Variants in SLC4A11 observed in about 807,000 individuals in gnomAD.
SLC4A11 encodes the protein bicarbonate transporter related protein 1.
Under a neutral mutation model 95.0 loss-of-function variants are expected in SLC4A11, and 74 were observed. The ratio of observed to expected loss-of-function variants is 0.78; its 90% confidence interval spans 0.65 to 0.95. The LOEUF (loss-of-function observed/expected upper bound fraction) is 0.95, where lower values mean the gene tolerates loss of function less well. Ranked by LOEUF, SLC4A11 falls within the 40% of genes least tolerant of loss-of-function variation. The pLI is 0.00. For synonymous variants in SLC4A11, 548 were observed against 519.0 expected (o/e 1.06, Z -0.76); for missense variants, 1,081 against 1,192.4 (o/e 0.91, Z 1.38).
At chr20:3,238,344 C>A in intron 1 of SLC4A11, 1 of 985,420 alleles carries the variant, frequency 1.0e-6, no homozygotes, top group South Asian at 4.7e-5. Flanking sequence ...GAGGAAAGCG[C>A]CTCCAGACTC....
chr20:3,239,462 G>T, upstream of SLC4A11: 1 of 1,032,764 alleles, frequency 9.7e-7, no homozygotes, highest in Non-Finnish European at 1.2e-6. Flanking sequence ...AGCAGACCCA[G>T]CGTCGCGAGT....
chr20:3,237,726 A>G (rs1423539089), intron 1 of SLC4A11, 138 bp from the exon 2 acceptor site: 1 of 1,613,784 alleles, frequency 6.2e-7, no homozygotes, highest in African/African-American at 1.3e-5. Flanking sequence ...CTAGGGAGAA[A>G]GGGAAGCAGG....
chr20:3,227,931 AG>A, intron 19 of SLC4A11, 75 bp from the exon 20 acceptor site: 1 of 800,560 alleles, frequency 1.2e-6, no homozygotes, highest in Non-Finnish European at 1.6e-6. Flanking sequence ...AGCCCACCCC[AG>A]CCCACCCACA....
At chr20:3,228,451 G>A (rs1422783303) in intron 18 of SLC4A11, 23 bp from the exon 19 acceptor site, 1 of 1,612,982 alleles carries the variant, frequency 6.2e-7, no homozygotes, top group African/African-American at 1.3e-5. Context: ...GGGACCGGGT[G>A]TGGGCAGGCA....
In SLC4A11 at chr20:3,231,006, G is replaced by A; in HGVS notation, c.1095C>T (p.Phe365=). The A allele has an allele frequency of 1.2e-6, 2 of 1,614,048 alleles. No individual in the cohort carries two copies. The highest frequency in any genetic ancestry group is 1.7e-6 in the Non-Finnish European group (2 of 1,180,020). Residue 365 remains phenylalanine, a synonymous_variant, in exon 10 of 20, where the codon TTC becomes TTT. Transcript: ENST00000642402. This position sits in a 1 kb window ranked among gnomAD's most constrained non-coding sequence, Gnocchi z 5.2. ...TGGGCAGGAGGCAGGCGAAGTAGAG[G>A]AACAGGGTGGTGGTGATGTATTTGC... ...AVGKYITTTL[F]LYFACLLPTI... is the part of the protein sequence containing the mutation.
intron 1 of SLC4A11, 28 bp downstream of exon 1, chr20:3,239,067 C>T: frequency 6.8e-7 from 1 of 1,471,066 alleles, no homozygotes; most frequent in Non-Finnish European, 9.0e-7. Context: ...GCGGCCTTCC[C>T]GCCGCGCCCC....
chr20:3,230,018 G>A (rs117166977), intron 13 of SLC4A11, among the ~76,000 whole-genome samples, 169 bp downstream of exon 13: 2,728 of 152,270 alleles, frequency 0.018, 30 homozygotes, highest in Non-Finnish European at 0.026. Flanking sequence ...ACCCTCCAGC[G>A]TGGAGGGCTC....
chr20:3,234,954 G>T lies in SLC4A11; in HGVS notation c.89-60C>A. 2 of 1,607,766 alleles carry T rather than the reference G, an allele frequency of 1.2e-6. No homozygotes were observed. Among genetic ancestry groups the T allele is most frequent in the Non-Finnish European group, 8.5e-7 (1 of 1,175,440 alleles). On this transcript the variant is annotated intron_variant, in intron 2 of 19. Transcript: ENST00000642402. This position sits in a 1 kb window ranked among gnomAD's most constrained non-coding sequence, Gnocchi z 5.8. ...TAAAGTGCCACACACAGGAAGGAGG[G>T]GCTCCAAGCCCAGGGAGCAGGGACC...
At chr20:3,230,900 AC>A (rs1600577490) in intron 10 of SLC4A11, 32 bp downstream of exon 10, 14 of 1,610,766 alleles carry the variant, frequency 8.7e-6, no homozygotes, top group Non-Finnish European at 1.2e-5. Context: ...AGCCCAGCAT[AC>A]CCCCACCCAC....
At chr20:3,232,971 C>A (rs6107259) in intron 7 of SLC4A11, among the ~76,000 whole-genome samples, 7,978 of 152,236 alleles carry the variant, frequency 0.052, 697 homozygotes, top group African/African-American at 0.18. Context: ...TCCCTGAGAA[C>A]CCCATTTGCA....
Position 3,229,759 on chromosome 20 carries a change from A to T in SLC4A11, c.1507T>A (p.Tyr503Asn), listed in dbSNP as rs775227624. The change falls in exon 14 of 20, where the codon TAT becomes AAT. Residue 503 changes from tyrosine (Y) to asparagine (N), a missense_variant. By Grantham distance (143) the Tyr-to-Asn change is moderately radical. Coordinates refer to ENST00000642402, the MANE Select transcript of SLC4A11 (RefSeq NM_001174089.2). ...TGATAGTCGTCCAAGTAATGCCCAT[A>T]GTAGTACTTCCAGAAGACTGTGGAC... ...GTVKIFWKYYYGHYLDDYHTK... is the reference protein window; with the variant it reads ...GTVKIFWKYYNGHYLDDYHTK... 6.2e-7 allele frequency: 1 copy of T among 1,613,942 alleles called. No individual in the cohort carries two copies. Among genetic ancestry groups the T allele is most frequent in the Admixed American group, 1.7e-5 (1 of 60,020 alleles).
rs985046885 is a variant in SLC4A11, at chr20:3,237,738, G to A, written c.44-150C>T. ...ACCCTAGGGAGAAAGGGAAGCAGGG[G>A]ACAGTGCTCGGGAGGGGGCCCCATA... On this transcript the variant is annotated intron_variant, in intron 1 of 19. Transcript: ENST00000642402. The A allele has an allele frequency of 1.7e-5, 27 of 1,613,572 alleles. No individual in the cohort carries two copies. The African/African-American group carries it at 3.5e-4, about 21-fold the overall frequency.
intron 2 of SLC4A11, among the ~76,000 whole-genome samples, chr20:3,235,386 C>T (rs1018295561): frequency 5.3e-5 from 8 of 151,574 alleles, no homozygotes; most frequent in African/African-American, 1.9e-4. Context: ...CTTAGAGCTC[C>T]GCCTCCCCAG....
In SLC4A11 at chr20:3,238,322, C is replaced by A. The variant is rs562909130; in HGVS notation, c.44-734G>T. On this transcript the variant is annotated intron_variant, in intron 1 of 19. Coordinates refer to ENST00000642402, the MANE Select transcript of SLC4A11 (RefSeq NM_001174089.2). The stretch of plus-strand genomic sequence containing the variant: ...CGGAGGAAGGAAGCGACAGGAGGGG[C>A]CGCGTGCACGAGAGGAAAGCGCCTC... 3.0e-5 allele frequency: 30 copies of A among 985,484 alleles called. No individual in the cohort carries two copies. The African/African-American group carries it at 5.2e-4, about 17-fold the overall frequency. 61.0% of individuals were successfully genotyped at this position (985,484 alleles called of 1,614,324 possible).
In SLC4A11 at chr20:3,230,981, T is replaced by C; in HGVS notation, c.1120A>G (p.Thr374Ala). ...TCATTGAGAGACCCGAAAGCGATGGTGGGCAGGAGGCAGGCGAAGTAGAGG... is the reference window on the plus strand; with the variant it reads ...TCATTGAGAGACCCGAAAGCGATGGCGGGCAGGAGGCAGGCGAAGTAGAGG... ...LFLYFACLLP[T>A]IAFGSLNDEN... The change falls in exon 10 of 20, where the codon ACC becomes GCC. Residue 374 changes from threonine (T) to alanine (A), a missense_variant. Coordinates refer to ENST00000642402, the MANE Select transcript of SLC4A11 (RefSeq NM_001174089.2). 6.2e-7 allele frequency: 1 copy of C among 1,609,924 alleles called. No homozygotes were observed. Among genetic ancestry groups the C allele is most frequent in the Admixed American group, 1.7e-5 (1 of 59,680 alleles).
chr20:3,234,730 C>T lies in SLC4A11; in HGVS notation c.241+12G>A, dbSNP rs765766062. 1.9e-6 allele frequency: 3 copies of T among 1,614,006 alleles called. No homozygotes were observed. The Admixed American group carries it at 5.0e-5, about 27-fold the overall frequency. On this transcript the variant is annotated intron_variant, in intron 3 of 19. Transcript: ENST00000642402. The surrounding 1 kb of genome is among the most constrained non-coding windows in gnomAD (Gnocchi z 5.8). ...GCCTTCCCCCAGTCTGCCCCTGCTG[C>T]AGCCCCCATACCAGTGTTGGTGGCC...
chr20:3,230,358 C>G (rs1463999999), intron 12 of SLC4A11, 98 bp from the exon 13 acceptor site: 21 of 1,577,122 alleles, frequency 1.3e-5, no homozygotes, highest in African/African-American at 5.4e-5. Context: ...CCTCCCCCTG[C>G]CAGGAAGAAG....
chr20:3,236,742 A>G (rs1161087649), intron 2 of SLC4A11, among the ~76,000 whole-genome samples: 3 of 151,910 alleles, frequency 2.0e-5, no homozygotes, highest in African/African-American at 7.3e-5. Flanking sequence ...CTGCCCCTCA[A>G]CCAGCACCCA....
In SLC4A11 at chr20:3,228,270, C is replaced by T; in HGVS notation, c.2547G>A (p.Met849Ile). The T allele has an allele frequency of 1.2e-6, 2 of 1,612,680 alleles. No homozygotes were observed. The highest frequency in any genetic ancestry group is 1.7e-6 in the Non-Finnish European group (2 of 1,179,896). ...CCACCCGCCTGTACCGGATGGGGAT[C>T]ATGGCGATCATGATGAGGGGAAAGA... ...KMIFPLIMIA[M>I]IPIRYILLPR... Residue 849 changes from methionine to isoleucine, a missense_variant, in exon 19 of 20, where the codon ATG (methionine) becomes ATA (isoleucine). By Grantham distance (10) the Met-to-Ile change is conservative. This residue lies in a region of SLC4A11 where 767 missense variants were observed against 858.0 expected (regional missense o/e 0.89). Coordinates refer to ENST00000642402, the MANE Select transcript of SLC4A11 (RefSeq NM_001174089.2).
Sources: allele counts gnomAD v4.1 joint callset (sites outside exome capture counted in the v4.1 genomes callset), GRCh38; gene constraint gnomAD v4.1.1; regional missense constraint gnomAD v4.1.1; non-coding constraint Gnocchi (gnomAD v3.1); transcripts MANE v1.5; gene names NCBI Gene and HGNC (gene_info 2026-07-23, HGNC 2026-07-21).